The following DENND1B variants were observed in gnomAD, a reference collection of about 807,000 sequenced individuals.
DENND1B encodes DENN domain containing 1B.
Under a neutral mutation model 90.1 loss-of-function variants are expected in DENND1B, and 59 were observed. That is an observed-to-expected ratio of 0.65 (90% CI 0.53 to 0.81). The LOEUF is 0.81. DENND1B is among the 40% of genes least tolerant of loss of function. The pLI is 0.00. For missense variants in DENND1B, 862 were observed against 912.6 expected (o/e 0.94, Z 0.71); for synonymous variants, 337 against 324.6 (o/e 1.04, Z -0.41).
chr1:197,510,833 G>A lies in DENND1B; in HGVS notation c.1955C>T (p.Ser652Phe). The change falls in exon 23 of 23, where the codon TCC becomes TTC. Residue 652 changes from serine (S) to phenylalanine (F), a missense_variant. Coordinates refer to ENST00000620048, the MANE Select transcript of DENND1B (RefSeq NM_001195215.2). ...CAGAGAATCTGTCAAACCACTAGAG[G>A]AAACCCGCTTCCTAGGAGATGGAGG... The part of the protein sequence containing the change: ...HLPPSPRKRV[S>F]SSGLTDSLFI... The A allele has an allele frequency of 6.2e-7, 1 of 1,612,048 alleles. No individual in the cohort carries two copies. The highest frequency in any genetic ancestry group is 8.5e-7 in the Non-Finnish European group (1 of 1,178,942).
intron 20 of DENND1B, among the ~76,000 whole-genome samples, chr1:197,534,512 T>G (rs952342308): frequency 6.6e-6 from 1 of 152,218 alleles, no homozygotes; most frequent in African/African-American, 2.4e-5. Flanking sequence ...ACTGGGTAAT[T>G]CATAAGCAAC....
chr1:197,599,009 T>C (rs1283525982), intron 13 of DENND1B, among the ~76,000 whole-genome samples: 1 of 151,802 alleles, frequency 6.6e-6, no homozygotes, highest in Non-Finnish European at 1.5e-5. Flanking sequence ...TGGGAAGAAT[T>C]ATAACCTGGA....
In DENND1B at chr1:197,634,997, A is replaced by G. The variant is rs553091205; in HGVS notation, c.672+7714T>C. On this transcript the variant is annotated intron_variant, in intron 10 of 22. Coordinates refer to ENST00000620048, the MANE Select transcript of DENND1B (RefSeq NM_001195215.2). Reference sequence around the variant, plus strand: ...CGACAAGAGTGCAACTCTGCGTGAAAAGGAAGGAAGGAAGCAAGGAAGGAA... The same window carrying G: ...CGACAAGAGTGCAACTCTGCGTGAAGAGGAAGGAAGGAAGCAAGGAAGGAA... 2.2e-3 allele frequency among the ~76,000 whole-genome samples: 332 copies of G among 148,530 alleles called. 1 individual carries two copies. Among genetic ancestry groups the G allele is most frequent in the African/African-American group, 7.9e-3 (324 of 41,110 alleles).
chr1:197,750,682 A>T (rs566450542), intron 2 of DENND1B, among the ~76,000 whole-genome samples: 1 of 152,198 alleles, frequency 6.6e-6, no homozygotes, highest in Non-Finnish European at 1.5e-5. Context: ...TCATGCAAAC[A>T]CTAATTATGA....
chr1:197,775,048 G>C (rs1657122731), intron 1 of DENND1B, 91 bp downstream of exon 1: 1 of 938,728 alleles, frequency 1.1e-6, no homozygotes, highest in Non-Finnish European at 1.4e-6. Flanking sequence ...CGGGGAGCCG[G>C]TTGAGCGCGG....
rs1308159062 is a variant in DENND1B at position 197,552,403 on chromosome 1, A to C, written c.1240+619T>G. The C allele has an allele frequency of 4.1e-6, 4 of 985,464 alleles. No homozygotes were observed. In the Admixed American group the frequency reaches 2.5e-4, roughly 61 times the overall value. The allele number at this position is 985,464 out of a possible 1,614,324, so 61.0% of individuals were successfully genotyped here. ...CAAGTCAAGACTATACACCACTACA[A>C]TCGTGCAAAAATATCAGTTTGTAAA... On this transcript the variant is annotated intron_variant, in intron 16 of 22. Coordinates refer to ENST00000620048, the MANE Select transcript of DENND1B (RefSeq NM_001195215.2).
chr1:197,576,202 C>T (rs1571939180), intron 15 of DENND1B, among the ~76,000 whole-genome samples: 1 of 152,128 alleles, frequency 6.6e-6, no homozygotes, highest in East Asian at 1.9e-4. Flanking sequence ...CATATTAATA[C>T]TGATGGTGTA....
rs549345515 is a variant in DENND1B at position 197,662,952 on chromosome 1, C to T, written c.297-4583G>A. The stretch of plus-strand genomic sequence containing the variant: ...AAATAAAGGTCTATTCAATGTGATT[C>T]TTTAAAGTAACATTTTGGTAAACCC... On this transcript the variant is annotated intron_variant, in intron 5 of 22. Coordinates refer to ENST00000620048, the MANE Select transcript of DENND1B (RefSeq NM_001195215.2). Among the ~76,000 whole-genome samples, 3 of 152,174 alleles carry T rather than the reference C, an allele frequency of 2.0e-5. No individual in the cohort carries two copies. The East Asian group carries it at 5.8e-4, about 29-fold the overall frequency.
At chr1:197,695,528 T>C (rs1456201433) in intron 3 of DENND1B, among the ~76,000 whole-genome samples, 1 of 151,074 alleles carries the variant, frequency 6.6e-6, no homozygotes, top group Non-Finnish European at 1.5e-5. Flanking sequence ...AATCAATTTG[T>C]TTTAGAAATA....
intron 2 of DENND1B, among the ~76,000 whole-genome samples, chr1:197,765,617 T>A (rs1182677467): frequency 6.6e-6 from 1 of 152,118 alleles, no homozygotes; most frequent in African/African-American, 2.4e-5. Context: ...AACAAAGTTA[T>A]AAGAAAAAAC....
intron 16 of DENND1B, among the ~76,000 whole-genome samples, chr1:197,547,292 T>G (rs1267014595): frequency 1.3e-5 from 2 of 151,610 alleles, no homozygotes; most frequent in East Asian, 3.9e-4. Context: ...AAAGTCCCAG[T>G]GGCTACTCAG....
At chr1:197,777,990 G>A (rs147234044), upstream of DENND1B, among the ~76,000 whole-genome samples, 934 of 152,074 alleles carry the variant, frequency 6.1e-3, 11 homozygotes, top group African/African-American at 0.022. Context: ...TCAATTAATG[G>A]GAGAGATGAG....
chr1:197,512,195 A>C (rs972907720), intron 21 of DENND1B, among the ~76,000 whole-genome samples: 8 of 151,918 alleles, frequency 5.3e-5, no homozygotes, highest in East Asian at 3.9e-4. Flanking sequence ...TTCACAGTTT[A>C]ATTCTGTGGA....
chr1:197,768,376 G>C (rs1655990377), intron 2 of DENND1B, among the ~76,000 whole-genome samples: 1 of 152,100 alleles, frequency 6.6e-6, no homozygotes, highest in Non-Finnish European at 1.5e-5. Context: ...GAAATGCTTA[G>C]AGGCATACCC....
chr1:197,689,324 C>T (rs1331180525), intron 3 of DENND1B: 2 of 152,030 alleles, frequency 1.3e-5, no homozygotes, highest in Non-Finnish European at 2.9e-5. Context: ...TTACTCACTA[C>T]CATGAACACA....
At chr1:197,519,607 G>T (rs969851989) in intron 20 of DENND1B, among the ~76,000 whole-genome samples, 2 of 151,802 alleles carry the variant, frequency 1.3e-5, no homozygotes, top group African/African-American at 4.8e-5. Context: ...TTATGACTTC[G>T]GTTAATTTGT....
intron 17 of DENND1B, 58 bp downstream of exon 17, chr1:197,546,675 T>C: frequency 7.1e-7 from 1 of 1,413,782 alleles, no homozygotes; most frequent in Non-Finnish European, 9.6e-7. Context: ...ATACTTTTGC[T>C]GAACATTTCT....
At chr1:197,676,919 A>G (rs917571171) in intron 3 of DENND1B, among the ~76,000 whole-genome samples, 2 of 152,136 alleles carry the variant, frequency 1.3e-5, no homozygotes, top group Non-Finnish European at 2.9e-5. Flanking sequence ...AGAGTGGTAT[A>G]TTAATTATTT....
chr1:197,738,696 A>C lies in DENND1B; in HGVS notation c.83-23622T>G, dbSNP rs924050814. Reference sequence around the variant, plus strand: ...GTTAAAGCAGCACTTTTACATCCATAAACAGGACATCTGCTTCCAGCCAAG... The same window carrying C: ...GTTAAAGCAGCACTTTTACATCCATCAACAGGACATCTGCTTCCAGCCAAG... On this transcript the variant is annotated intron_variant, in intron 2 of 22. Coordinates refer to ENST00000620048, the MANE Select transcript of DENND1B (RefSeq NM_001195215.2). 3.9e-5 allele frequency among the ~76,000 whole-genome samples: 6 copies of C among 152,238 alleles called. No individual in the cohort carries two copies. The South Asian group carries it at 6.2e-4, about 16-fold the overall frequency.
Sources: allele counts gnomAD v4.1 joint callset (sites outside exome capture counted in the v4.1 genomes callset), GRCh38; gene constraint gnomAD v4.1.1; transcripts MANE v1.5; gene names NCBI Gene and HGNC (gene_info 2026-07-23, HGNC 2026-07-21).